The following CFAP299 variants were observed in gnomAD, a reference collection of about 807,000 sequenced individuals.
CFAP299 encodes the protein cilia and flagella associated protein 299, also known as cilia- and flagella-associated protein 299.
A neutral mutation model predicts 27.0 loss-of-function variants in CFAP299; 21 were observed. That is an observed-to-expected ratio of 0.78 (90% confidence interval 0.55 to 1.12). CFAP299 has a LOEUF of 1.12. CFAP299 is among the 50% of genes most tolerant of loss of function. The pLI is 0.00. For missense variants in CFAP299, 310 were observed against 276.6 expected (o/e 1.12, Z -0.86); for synonymous variants, 104 against 98.1 (o/e 1.06, Z -0.36).
At position 80,466,323 on chromosome 4, in the gene CFAP299, C is replaced by CT. The variant is rs142580304; in HGVS notation, c.242+103440dup. On this transcript the variant is annotated intron_variant, in intron 2 of 5. Coordinates refer to ENST00000358105, the MANE Select transcript of CFAP299 (RefSeq NM_152770.3). ...AAATATAAGTCATGGAAATAACACT[C>CT]TAAGTATTCATTGTTACTTTATTTT... is the stretch of plus-strand genomic sequence containing the variant. Among the ~76,000 whole-genome samples the CT allele has an allele frequency of 5.2e-3, 799 of 152,236 alleles. 5 individuals are homozygous for CT. The highest frequency in any genetic ancestry group is 8.7e-3 in the Non-Finnish European group (595 of 68,022).
intron 3 of CFAP299, among the ~76,000 whole-genome samples, chr4:80,744,583 C>CT (rs920106583): frequency 6.7e-5 from 10 of 148,850 alleles, no homozygotes; most frequent in African/African-American, 1.2e-4. Flanking sequence ...TGATTTTCAT[C>CT]TTTTTTTTTT....
chr4:80,935,108 T>A (rs1489135134), intron 4 of CFAP299, among the ~76,000 whole-genome samples: 1 of 152,066 alleles, frequency 6.6e-6, no homozygotes, highest in Non-Finnish European at 1.5e-5. Context: ...TTATTTAGCT[T>A]TTGGTTTCTT....
At chr4:80,654,784 C>CTTTTTTTTTTTTT (rs369680550) in intron 3 of CFAP299, among the ~76,000 whole-genome samples, 1 of 126,814 alleles carries the variant, frequency 7.9e-6, no homozygotes, top group African/African-American at 2.9e-5. Context: ...TAATTTTTAA[C>CTTTTTTTTTTTTT]TTTTTTTTTT....
At chr4:80,516,265 C>T (rs758320088) in intron 2 of CFAP299, among the ~76,000 whole-genome samples, 6 of 152,060 alleles carry the variant, frequency 3.9e-5, no homozygotes, top group Non-Finnish European at 5.9e-5. Flanking sequence ...AGGTAATCCT[C>T]CCACCTCAAC....
At chr4:80,840,506 A>T (rs1730805445) in intron 3 of CFAP299, among the ~76,000 whole-genome samples, 1 of 152,040 alleles carries the variant, frequency 6.6e-6, no homozygotes, top group Non-Finnish European at 1.5e-5. Flanking sequence ...CACATTTATT[A>T]TTTTTTTATC....
At chr4:80,858,591 G>A (rs372647504) in intron 3 of CFAP299, among the ~76,000 whole-genome samples, 17 of 151,752 alleles carry the variant, frequency 1.1e-4, no homozygotes, top group Admixed American at 3.3e-4. Context: ...TGCGTCCCAG[G>A]GATTCTGGTA....
intron 4 of CFAP299, among the ~76,000 whole-genome samples, chr4:80,915,084 C>T (rs1370360435): frequency 6.6e-6 from 1 of 151,590 alleles, no homozygotes; most frequent in Non-Finnish European, 1.5e-5. Context: ...TGCTTTGGTT[C>T]ATTCTAAAAT....
At chr4:80,944,586 G>T (rs1233983840) in intron 4 of CFAP299, among the ~76,000 whole-genome samples, 2 of 152,108 alleles carry the variant, frequency 1.3e-5, no homozygotes, top group African/African-American at 4.8e-5. Context: ...GAAGTGTCCA[G>T]AAAATCATGC....
intron 2 of CFAP299, among the ~76,000 whole-genome samples, chr4:80,368,228 A>G (rs1723943195): frequency 6.6e-6 from 1 of 152,160 alleles, no homozygotes; most frequent in South Asian, 2.1e-4. Context: ...GAATTACTGT[A>G]AGGATTCACT....
chr4:80,924,963 T>A (rs1736234596), intron 4 of CFAP299, among the ~76,000 whole-genome samples: 1 of 151,916 alleles, frequency 6.6e-6, no homozygotes, highest in Admixed American at 6.6e-5. Flanking sequence ...TAAATTACTT[T>A]ATAGAAGAGC....
At chr4:80,557,964 A>G (rs574261242) in intron 2 of CFAP299, among the ~76,000 whole-genome samples, 2 of 152,248 alleles carry the variant, frequency 1.3e-5, no homozygotes, top group African/African-American at 4.8e-5. Context: ...TCAAGTGCAC[A>G]CTTGAAGGCC....
Position 80,537,523 on chromosome 4 carries a change from A to G in CFAP299, c.243-45570A>G, listed in dbSNP as rs181773406. The stretch of plus-strand genomic sequence containing the variant: ...TTCAGCCTTAAGAAAAGAAAATCCT[A>G]TCATTTGCAACAACACGGATGAACC... On this transcript the variant is annotated intron_variant, in intron 2 of 5. Transcript: ENST00000358105. Among the ~76,000 whole-genome samples the G allele has an allele frequency of 2.5e-3, 387 of 152,256 alleles. 3 individuals carry two copies. Among genetic ancestry groups the G allele is most frequent in the Non-Finnish European group, 1.6e-3 (111 of 67,986 alleles).
intron 2 of CFAP299, among the ~76,000 whole-genome samples, chr4:80,462,928 T>C (rs1333666718): frequency 6.6e-6 from 1 of 151,998 alleles, no homozygotes; most frequent in Non-Finnish European, 1.5e-5. Flanking sequence ...TATTGGAGAA[T>C]GAGATAGTAA....
At chr4:80,567,078 C>T (rs1222513318) in intron 2 of CFAP299, among the ~76,000 whole-genome samples, 1 of 151,744 alleles carries the variant, frequency 6.6e-6, no homozygotes, top group African/African-American at 2.4e-5. Context: ...ATGTAAGACA[C>T]TGTAGATCTG....
Position 80,680,259 on chromosome 4 carries a change from G to A in CFAP299, c.333+97076G>A, listed in dbSNP as rs147460412. Among the ~76,000 whole-genome samples the A allele has an allele frequency of 5.3e-3, 803 of 152,088 alleles. 3 individuals carry two copies. Among genetic ancestry groups the A allele is most frequent in the African/African-American group, 0.018 (765 of 41,494 alleles). The stretch of plus-strand genomic sequence containing the variant: ...AACCCCCTCCCTTTCATTGTCTACA[G>A]TTTCTTGACAGTAACAGTCAACCTC... On this transcript the variant is annotated intron_variant, in intron 3 of 5. Transcript: ENST00000358105.
chr4:80,386,453 C>T (rs1191404144), intron 2 of CFAP299: 2 of 1,537,616 alleles, frequency 1.3e-6, no homozygotes, highest in African/African-American at 1.4e-5. Context: ...AGGGGGTCAC[C>T]ACCTTGCGCC....
Position 80,388,744 on chromosome 4 carries a change from A to T in CFAP299, c.242+25860A>T, listed in dbSNP as rs1725169732. 5 of 520,324 alleles carry T rather than the reference A, an allele frequency of 9.6e-6. No homozygotes were observed. In the East Asian group the frequency reaches 1.6e-4, roughly 17 times the overall value. 32.2% of individuals were successfully genotyped at this position (520,324 alleles called of 1,614,324 possible). ...TGGAGCCCCTATATTTCTTATAATT[A>T]ATCAATAGATTTTTTGGGGAGGTAG... On this transcript the variant is annotated intron_variant, in intron 2 of 5. Coordinates refer to ENST00000358105, the MANE Select transcript of CFAP299 (RefSeq NM_152770.3).
At chr4:80,686,985 G>A (rs183241041) in intron 3 of CFAP299, among the ~76,000 whole-genome samples, 26 of 152,032 alleles carry the variant, frequency 1.7e-4, no homozygotes, top group African/African-American at 4.3e-4. Context: ...AAATTCCAAC[G>A]GCAAATACTT....
At chr4:80,692,622 G>A (rs1325976638) in intron 3 of CFAP299, among the ~76,000 whole-genome samples, 1 of 152,116 alleles carries the variant, frequency 6.6e-6, no homozygotes. Flanking sequence ...TTACCATTCA[G>A]GACATAGGCA....
Sources: allele counts gnomAD v4.1 joint callset (sites outside exome capture counted in the v4.1 genomes callset), GRCh38; gene constraint gnomAD v4.1.1; transcripts MANE v1.5; gene names NCBI Gene and HGNC (gene_info 2026-07-23, HGNC 2026-07-21).